Variants in SRD5A1 observed in about 807,000 individuals in gnomAD.
SRD5A1 encodes 3-oxo-5-alpha-steroid 4-dehydrogenase 1.
SRD5A1 carries 22 observed loss-of-function variants against 28.2 expected under a neutral mutation model. The observed-to-expected ratio is 0.78, with a 90% CI of 0.56 to 1.12. The LOEUF (loss-of-function observed/expected upper bound fraction) is 1.12. Ranked by LOEUF, SRD5A1 falls within the 50% of genes most tolerant of loss-of-function variation. The pLI is 0.00. For missense variants in SRD5A1, 300 were observed against 346.7 expected (o/e 0.87, Z 1.07); for synonymous variants, 151 against 135.0 (o/e 1.12, Z -0.82).
intron 4 of SRD5A1, among the ~76,000 whole-genome samples, chr5:6,667,974 G>A (rs824809): frequency 0.12 from 17,950 of 152,204 alleles, 1,340 homozygotes; most frequent in East Asian, 0.25. Flanking sequence ...CAGATAGAAA[G>A]GTGAATTCTA....
At chr5:6,644,096 T>G (rs907556334) in intron 1 of SRD5A1, among the ~76,000 whole-genome samples, 1 of 152,236 alleles carries the variant, frequency 6.6e-6, no homozygotes, top group African/African-American at 2.4e-5. Context: ...CGCAGAATGT[T>G]TCCTGGGAGT....
intron 4 of SRD5A1, among the ~76,000 whole-genome samples, chr5:6,665,567 C>T (rs1739145644): frequency 2.0e-5 from 3 of 152,230 alleles, no homozygotes; most frequent in African/African-American, 4.8e-5. Flanking sequence ...GCTCCCAGCA[C>T]TGCACCTGGC....
intron 1 of SRD5A1, chr5:6,645,276 TAAC>T (rs1418143663): frequency 3.9e-6 from 1 of 254,414 alleles, no homozygotes; most frequent in Non-Finnish European, 7.8e-6. Context: ...TGGAAACAAA[TAAC>T]AAGCTTTACA....
Position 6,633,889 on chromosome 5 carries a change from G to A in SRD5A1, c.293+20G>A, listed in dbSNP as rs1426861627. ...GCATCGGTAACGTCCCCGGCCCCCGGCCCCCTACCCTACTCCCGGCCCGGC... is the reference window on the plus strand; with the variant it reads ...GCATCGGTAACGTCCCCGGCCCCCGACCCCCTACCCTACTCCCGGCCCGGC... On this transcript the variant is annotated intron_variant, in intron 1 of 4. Coordinates refer to ENST00000274192, the MANE Select transcript of SRD5A1 (RefSeq NM_001047.4). The A allele has an allele frequency of 6.3e-7, 1 of 1,595,384 alleles. No individual in the cohort carries two copies. Among genetic ancestry groups the A allele is most frequent in the Non-Finnish European group, 8.5e-7 (1 of 1,178,462 alleles).
chr5:6,634,019 C>G, intron 1 of SRD5A1, 150 bp downstream of exon 1: 1 of 807,262 alleles, frequency 1.2e-6, no homozygotes. Context: ...CCCATCTGCA[C>G]GGGTGCCCTT....
intron 4 of SRD5A1, among the ~76,000 whole-genome samples, chr5:6,667,276 G>C (rs1739213564): frequency 1.3e-5 from 2 of 152,210 alleles, no homozygotes; most frequent in Admixed American, 1.3e-4. Context: ...TCTTAGAATT[G>C]TTCTTATTAC....
chr5:6,648,413 A>G (rs1738571361), intron 1 of SRD5A1, among the ~76,000 whole-genome samples: 1 of 152,214 alleles, frequency 6.6e-6, no homozygotes, highest in East Asian at 1.9e-4. Context: ...TTTCAGGTAC[A>G]AGAGTCAAAC....
At position 6,674,004 on chromosome 5, in the gene SRD5A1, A is replaced by T. The variant is rs962872381; in HGVS notation, c.*5736A>T. ...CAAATTTTAGGGCAGTGAAACTATT[A>T]TTATGATACTTTATGGATATAGAAT... On this transcript the variant is annotated 3_prime_UTR_variant, in exon 5 of 5. Coordinates refer to ENST00000274192, the MANE Select transcript of SRD5A1 (RefSeq NM_001047.4). 21 of 152,346 alleles carry T rather than the reference A, an allele frequency of 1.4e-4. No homozygotes were observed. Among genetic ancestry groups the T allele is most frequent in the African/African-American group, 5.0e-4 (21 of 41,586 alleles). 9.4% of individuals were successfully genotyped at this position (152,346 alleles called of 1,614,324 possible).
rs574453487 is a variant in SRD5A1 at position 6,636,983 on chromosome 5, G to C, written c.293+3114G>C. Among the ~76,000 whole-genome samples, 3 of 152,260 alleles carry C rather than the reference G, an allele frequency of 2.0e-5. No individual in the cohort carries two copies. In the South Asian group the frequency reaches 6.2e-4, roughly 32 times the overall value. ...CTGTGGTCCTGACCAGTTCCCCCAG[G>C]AGGGCAAAGGACATTTTCAGGAACA... On this transcript the variant is annotated intron_variant, in intron 1 of 4. Coordinates refer to ENST00000274192, the MANE Select transcript of SRD5A1 (RefSeq NM_001047.4).
chr5:6,667,237 G>T (rs2126556321), intron 4 of SRD5A1, among the ~76,000 whole-genome samples: 1 of 152,368 alleles, frequency 6.6e-6, no homozygotes, highest in Admixed American at 6.5e-5. Context: ...CAGGGGAAGT[G>T]ACGCTTGATC....
chr5:6,639,944 T>C (rs1017767542), intron 1 of SRD5A1, among the ~76,000 whole-genome samples: 2 of 152,258 alleles, frequency 1.3e-5, no homozygotes, highest in Non-Finnish European at 2.9e-5. Context: ...TAAGTTTTTT[T>C]CTAAGCAGTA....
At chr5:6,648,494 G>A (rs933874997) in intron 1 of SRD5A1, among the ~76,000 whole-genome samples, 23 of 151,902 alleles carry the variant, frequency 1.5e-4, no homozygotes, top group Admixed American at 4.6e-4. Context: ...AAGTCTTCTC[G>A]CTTTATTTCA....
At chr5:6,649,246 TG>T (rs1447516595) in intron 1 of SRD5A1, among the ~76,000 whole-genome samples, 1 of 152,168 alleles carries the variant, frequency 6.6e-6, no homozygotes, top group African/African-American at 2.4e-5. Flanking sequence ...GAGCTCGAAC[TG>T]TGTGCTGGGA....
At chr5:6,659,120 T>A (rs1738917289) in intron 3 of SRD5A1, among the ~76,000 whole-genome samples, 1 of 150,912 alleles carries the variant, frequency 6.6e-6, no homozygotes, top group Admixed American at 6.6e-5. Context: ...AAAAAATCTT[T>A]TTTTTTTTTT....
chr5:6,644,109 C>T (rs1267299360), intron 1 of SRD5A1, among the ~76,000 whole-genome samples: 1 of 152,198 alleles, frequency 6.6e-6, no homozygotes, highest in Admixed American at 6.5e-5. Context: ...CTGGGAGTTG[C>T]TTCTCTCACA....
intron 2 of SRD5A1, among the ~76,000 whole-genome samples, chr5:6,652,523 T>A (rs1738709209): frequency 6.6e-6 from 1 of 152,094 alleles, no homozygotes; most frequent in Admixed American, 6.6e-5. Flanking sequence ...ACTTTTTAAG[T>A]TCTAAGCAAA....
intron 1 of SRD5A1, among the ~76,000 whole-genome samples, chr5:6,637,509 CTG>C (rs1269069942): frequency 3.9e-5 from 6 of 152,280 alleles, no homozygotes; most frequent in African/African-American, 1.4e-4. Flanking sequence ...GCTTTGCAGA[CTG>C]TGCCTGACCT....
At position 6,662,879 on chromosome 5, in the gene SRD5A1, A is replaced by AT; in HGVS notation, c.627dup (p.Ala210CysfsTer23). On this transcript the variant is annotated frameshift_variant, in exon 4 of 5. Coordinates refer to ENST00000274192, the MANE Select transcript of SRD5A1 (RefSeq NM_001047.4). LOFTEE classifies it high-confidence loss of function. Reference sequence around the variant, plus strand: ...GGAGAAATCATGGAGTGGTGTGGCTATGCCCTGGCCAGCTGGTCTGTCCAA... The same window carrying AT: ...GGAGAAATCATGGAGTGGTGTGGCTATTGCCCTGGCCAGCTGGTCTGTCCAA... The AT allele has an allele frequency of 1.9e-6, 3 of 1,613,418 alleles. No homozygotes were observed. Among genetic ancestry groups the AT allele is most frequent in the Non-Finnish European group, 2.5e-6 (3 of 1,180,032 alleles).
chr5:6,642,020 G>A (rs1477688200), intron 1 of SRD5A1, among the ~76,000 whole-genome samples: 1 of 152,198 alleles, frequency 6.6e-6, no homozygotes, highest in Non-Finnish European at 1.5e-5. Flanking sequence ...ATACTGGGTA[G>A]GTATTTACGA....
Sources: gnomAD v4.1 joint callset for allele counts (sites outside exome capture counted in the v4.1 genomes callset) on GRCh38, gnomAD v4.1.1 for gene constraint, MANE v1.5 for transcripts, NCBI Gene and HGNC (gene_info 2026-07-23, HGNC 2026-07-21) for gene names.